Variants in CTNNA1 observed in about 807,000 individuals in gnomAD.
The protein encoded by CTNNA1 is catenin alpha-1.
Under a neutral mutation model 98.4 loss-of-function variants are expected in CTNNA1, and 37 were observed. The observed-to-expected ratio is 0.38, with a 90% CI of 0.29 to 0.49. CTNNA1 has a LOEUF of 0.49. Among genes scored for constraint, CTNNA1 ranks in the 20% least tolerant of loss-of-function variants. CTNNA1 has a pLI of 0.95. For synonymous variants in CTNNA1, 404 were observed against 413.2 expected, an observed-to-expected ratio of 0.98 and a Z score of 0.27; for missense variants, 761 against 1,147.2, an observed-to-expected ratio of 0.66 and a Z score of 4.86.
rs183685514 is a variant in CTNNA1, at chr5:138,918,739, C to T, written c.1546+841C>T. 2.6e-5 allele frequency among the ~76,000 whole-genome samples: 4 copies of T among 152,330 alleles called. No individual in the cohort carries two copies. In the East Asian group the frequency reaches 7.7e-4, roughly 29 times the overall value. Reference sequence around the variant, plus strand: ...TCTCCATTTAACGGGACCTCTGTTGCCCTTGGCTGCATGGCTTGCTCTCTG... The same window carrying T: ...TCTCCATTTAACGGGACCTCTGTTGTCCTTGGCTGCATGGCTTGCTCTCTG... On this transcript the variant is annotated intron_variant, in intron 11 of 17. Coordinates refer to ENST00000302763, the MANE Select transcript of CTNNA1 (RefSeq NM_001903.5).
At chr5:138,925,536 A>G in intron 13 of CTNNA1, 129 bp downstream of exon 13, 1 of 1,300,790 alleles carries the variant, frequency 7.7e-7, no homozygotes, top group South Asian at 1.6e-5. Flanking sequence ...AAAAGCTGTT[A>G]GAATGAGATA....
intron 7 of CTNNA1, among the ~76,000 whole-genome samples, chr5:138,841,116 T>A (rs1762229050): frequency 6.6e-6 from 1 of 152,242 alleles, no homozygotes. Flanking sequence ...GTCTGTGGAA[T>A]ATGTTTTTAT....
chr5:138,888,167 A>G (rs969762026), intron 9 of CTNNA1, among the ~76,000 whole-genome samples: 1 of 152,242 alleles, frequency 6.6e-6, no homozygotes, highest in African/African-American at 2.4e-5. Context: ...AGAGAAACTG[A>G]GCCCTGACAT....
At chr5:138,823,002 C>T (rs1338562681) in intron 5 of CTNNA1, among the ~76,000 whole-genome samples, 1 of 152,140 alleles carries the variant, frequency 6.6e-6, no homozygotes, top group African/African-American at 2.4e-5. Context: ...TTTTCTGTTA[C>T]TGTTTACACA....
Position 138,925,341 on chromosome 5 carries a change from T to C in CTNNA1, c.1833T>C (p.Phe611=), listed in dbSNP as rs375147278. Residue 611 remains phenylalanine, a synonymous_variant, in exon 13 of 18, where the codon TTT becomes TTC. Coordinates refer to ENST00000302763, the MANE Select transcript of CTNNA1 (RefSeq NM_001903.5). ...CCCAGCCCATGGATGAGAATGAGTT[T>C]ATCGATGCTTCCCGCCTGGTATATG... The part of the protein sequence containing the change: ...DPAQPMDENE[F]IDASRLVYDG... The C allele has an allele frequency of 4.8e-5, 77 of 1,614,042 alleles. No homozygotes were observed. Among genetic ancestry groups the C allele is most frequent in the Non-Finnish European group, 6.0e-5 (71 of 1,180,054 alleles).
At chr5:138,799,384 T>G (rs1244134609) in intron 3 of CTNNA1, among the ~76,000 whole-genome samples, 1 of 152,176 alleles carries the variant, frequency 6.6e-6, no homozygotes, top group Non-Finnish European at 1.5e-5. Context: ...GGTCTCGAAC[T>G]CCTGACTTCA....
chr5:138,929,728 T>TA (rs1561771107), intron 14 of CTNNA1, among the ~76,000 whole-genome samples: 2 of 152,226 alleles, frequency 1.3e-5, no homozygotes, highest in East Asian at 1.9e-4. Flanking sequence ...TTCATGGGTT[T>TA]AAAAAATAAC....
At chr5:138,803,666 CTG>C (rs1215691110) in intron 3 of CTNNA1, among the ~76,000 whole-genome samples, 1 of 152,148 alleles carries the variant, frequency 6.6e-6, no homozygotes, top group Non-Finnish European at 1.5e-5. Context: ...CACATTATTC[CTG>C]TGATTCCTTT....
chr5:138,920,606 G>T (rs1476409952), intron 11 of CTNNA1, among the ~76,000 whole-genome samples: 1 of 152,236 alleles, frequency 6.6e-6, no homozygotes, highest in African/African-American at 2.4e-5. Context: ...TCTTGGAGTG[G>T]TTGTTTTCTA....
intron 2 of CTNNA1, among the ~76,000 whole-genome samples, chr5:138,782,934 GATCAT>G (rs1368080067): frequency 2.0e-5 from 3 of 152,082 alleles, no homozygotes; most frequent in Non-Finnish European, 2.9e-5. Context: ...AAAACCTAAT[GATCAT>G]ATTTGAGAAA....
chr5:138,876,769 G>A (rs1460559712), intron 7 of CTNNA1, among the ~76,000 whole-genome samples: 1 of 152,188 alleles, frequency 6.6e-6, no homozygotes, highest in Non-Finnish European at 1.5e-5. Flanking sequence ...TTGTAGTGTT[G>A]TGCTGGAGTG....
intron 7 of CTNNA1, among the ~76,000 whole-genome samples, chr5:138,866,326 ATTTT>A (rs1470812316): frequency 1.8e-4 from 26 of 142,480 alleles, no homozygotes; most frequent in African/African-American, 2.4e-4. Context: ...TTATTTATTT[ATTTT>A]GGTACAAATA....
chr5:138,789,102 T>A (rs1348533580), intron 3 of CTNNA1, among the ~76,000 whole-genome samples: 1 of 152,088 alleles, frequency 6.6e-6, no homozygotes, highest in African/African-American at 2.4e-5. Context: ...CAGGGAAATA[T>A]GAGTGAGGAA....
At chr5:138,848,220 G>A (rs1581253235) in intron 7 of CTNNA1, among the ~76,000 whole-genome samples, 1 of 152,346 alleles carries the variant, frequency 6.6e-6, no homozygotes, top group East Asian at 1.9e-4. Context: ...CCAAGTCTAT[G>A]TTTCCTCAAC....
chr5:138,786,504 C>T lies in CTNNA1; in HGVS notation c.301+3132C>T, dbSNP rs143605606. ...CCCCTCCCTTAAAAAAAAATAGAGC[C>T]TAACCCTTGAACATGGGTTGAACTT... On this transcript the variant is annotated intron_variant, in intron 3 of 17. Coordinates refer to ENST00000302763, the MANE Select transcript of CTNNA1 (RefSeq NM_001903.5). 1.3e-3 allele frequency among the ~76,000 whole-genome samples: 195 copies of T among 152,248 alleles called. 1 individual carries two copies. In the East Asian group the frequency reaches 0.034, roughly 27 times the overall value.
chr5:138,846,244 G>A (rs951416241), intron 7 of CTNNA1, among the ~76,000 whole-genome samples: 4 of 152,166 alleles, frequency 2.6e-5, no homozygotes, highest in East Asian at 1.9e-4. Flanking sequence ...GAGCCACTGC[G>A]CCTGGCCCAA....
At chr5:138,868,441 C>T (rs1765003830) in intron 7 of CTNNA1, among the ~76,000 whole-genome samples, 1 of 152,156 alleles carries the variant, frequency 6.6e-6, no homozygotes, top group South Asian at 2.1e-4. Flanking sequence ...TGGGACCTCC[C>T]TCCTAGGAGT....
intron 9 of CTNNA1, among the ~76,000 whole-genome samples, chr5:138,890,197 A>G (rs979088143): frequency 1.5e-4 from 23 of 152,210 alleles, no homozygotes; most frequent in Admixed American, 1.3e-3. Flanking sequence ...GCCTCTGGCA[A>G]GAGAGGAGAG....
intron 1 of CTNNA1, among the ~76,000 whole-genome samples, chr5:138,776,226 A>G (rs1354982607): frequency 6.6e-6 from 1 of 151,456 alleles, no homozygotes; most frequent in African/African-American, 2.4e-5. Flanking sequence ...GGTACTTGAG[A>G]TTAGGGAGTG....
Sources: gnomAD v4.1 joint callset for allele counts (sites outside exome capture counted in the v4.1 genomes callset) on GRCh38, gnomAD v4.1.1 for gene constraint, MANE v1.5 for transcripts, NCBI Gene and HGNC (gene_info 2026-07-23, HGNC 2026-07-21) for gene names.